Variants in ZFHX4 observed in about 807,000 individuals in gnomAD.
ZFHX4 encodes zinc finger homeobox 4, also known as zinc finger homeobox protein 4.
A neutral mutation model predicts 267.6 loss-of-function variants in ZFHX4; 56 were observed. That is an observed-to-expected ratio of 0.21 (90% CI 0.17 to 0.26). The LOEUF (loss-of-function observed/expected upper bound fraction) is 0.26. Ranked by LOEUF, ZFHX4 falls within the 10% of genes least tolerant of loss-of-function variation. ZFHX4 has a pLI of 1.00. For missense variants in ZFHX4, 4,332 were observed against 4,420.0 expected (o/e 0.98, Z 0.56); for synonymous variants, 1,778 against 1,665.6 (o/e 1.07, Z -1.64).
intron 3 of ZFHX4, among the ~76,000 whole-genome samples, chr8:76,764,013 T>C (rs1809986739): frequency 6.6e-6 from 1 of 152,202 alleles, no homozygotes; most frequent in Non-Finnish European, 1.5e-5. Context: ...TCACATGGTT[T>C]GGTCTCAACA....
At chr8:76,697,679 T>G (rs1021354848) in intron 1 of ZFHX4, among the ~76,000 whole-genome samples, 7 of 152,022 alleles carry the variant, frequency 4.6e-5, no homozygotes, top group Non-Finnish European at 1.0e-4. Context: ...GAAAGAAAAA[T>G]AATTCTGTCC....
chr8:76,813,582 C>T (rs1811430805), intron 4 of ZFHX4, among the ~76,000 whole-genome samples: 1 of 152,108 alleles, frequency 6.6e-6, no homozygotes, highest in African/African-American at 2.4e-5. Flanking sequence ...ATACATATTA[C>T]ATTTTATGAA....
chr8:76,709,792 CGTGTGTGTGCGTGTGT>C (rs1207266287), intron 3 of ZFHX4, among the ~76,000 whole-genome samples: 1,444 of 139,638 alleles, frequency 0.01, 28 homozygotes, highest in African/African-American at 0.037. Flanking sequence ...CGTGTGTGTG[CGTGTGTGTGCGTGTGT>C]GTGTGTGTGT....
intron 1 of ZFHX4, among the ~76,000 whole-genome samples, chr8:76,697,818 T>C (rs1455999717): frequency 2.6e-5 from 4 of 151,942 alleles, no homozygotes; most frequent in Non-Finnish European, 5.9e-5. Context: ...GGAAGAAAAA[T>C]TAAAAGGATC....
At chr8:76,703,034 A>C (rs1448145958) in intron 1 of ZFHX4, among the ~76,000 whole-genome samples, 1 of 152,092 alleles carries the variant, frequency 6.6e-6, no homozygotes, top group African/African-American at 2.4e-5. Context: ...CCCAACTTTC[A>C]CTAGTACTTT....
At chr8:76,743,163 T>C (rs2131687602) in intron 3 of ZFHX4, among the ~76,000 whole-genome samples, 1 of 152,312 alleles carries the variant, frequency 6.6e-6, no homozygotes, top group South Asian at 2.1e-4. Flanking sequence ...GTAGAGAGTT[T>C]GCCACTAACA....
chr8:76,833,866 A>C (rs561238799), intron 5 of ZFHX4, among the ~76,000 whole-genome samples: 2 of 152,264 alleles, frequency 1.3e-5, no homozygotes, highest in East Asian at 1.9e-4. Flanking sequence ...TTCTCTATAA[A>C]TCTTCTGTGC....
chr8:76,800,215 G>T (rs1171172742), intron 4 of ZFHX4, among the ~76,000 whole-genome samples: 4 of 152,038 alleles, frequency 2.6e-5, no homozygotes, highest in African/African-American at 9.7e-5. Flanking sequence ...GCCACAGAGG[G>T]ACTGAGCGTG....
intron 3 of ZFHX4, among the ~76,000 whole-genome samples, chr8:76,718,664 CTGTT>C (rs1393347928): frequency 7.2e-5 from 11 of 151,878 alleles, no homozygotes; most frequent in African/African-American, 2.4e-4. Context: ...TTTTGAAGAG[CTGTT>C]TAATTTTTAG....
intron 1 of ZFHX4, among the ~76,000 whole-genome samples, chr8:76,686,682 T>A (rs896197786): frequency 2.0e-5 from 3 of 152,224 alleles, no homozygotes; most frequent in African/African-American, 7.2e-5. Flanking sequence ...TTCGACAATG[T>A]CAATGAGAAC....
At chr8:76,708,616 T>C (rs1585869139) in intron 3 of ZFHX4, among the ~76,000 whole-genome samples, 1 of 152,328 alleles carries the variant, frequency 6.6e-6, no homozygotes, top group South Asian at 2.1e-4. Context: ...TGTCTTCCTA[T>C]CAATATTTTC....
At chr8:76,772,344 A>G (rs928566505) in intron 3 of ZFHX4, among the ~76,000 whole-genome samples, 1 of 152,186 alleles carries the variant, frequency 6.6e-6, no homozygotes, top group Non-Finnish European at 1.5e-5. Context: ...GATCTCAGAA[A>G]GGAAACCTGG....
chr8:76,773,662 A>G (rs971056714), intron 3 of ZFHX4, among the ~76,000 whole-genome samples: 22 of 152,076 alleles, frequency 1.4e-4, no homozygotes, highest in African/African-American at 3.4e-4. Flanking sequence ...TCACTTTAAT[A>G]TTTGCTTTTT....
intron 4 of ZFHX4, among the ~76,000 whole-genome samples, chr8:76,790,739 TTG>T (rs35847341): frequency 2.0e-5 from 3 of 151,452 alleles, no homozygotes; most frequent in Non-Finnish European, 4.4e-5. Flanking sequence ...TATTTGGTAT[TTG>T]TGTGTGTGTG....
chr8:76,838,592 C>T (rs1052263724), intron 5 of ZFHX4, among the ~76,000 whole-genome samples: 4 of 152,020 alleles, frequency 2.6e-5, no homozygotes, highest in East Asian at 1.9e-4. Flanking sequence ...AGAATGCTCA[C>T]GAGCCAGGTG....
rs533886890 is a variant in ZFHX4 at position 76,856,163 on chromosome 8, C to A, written c.9242C>A (p.Pro3081Gln). ...GTGCTGGGCTTGACGGTACAGCAGC[C>A]AGGCATGATGGACAGCAGTTCTCTC... ...SDVLGLTVQQ[P>Q]GMMDSSSLHG... The change falls in exon 10 of 11, where the codon CCA (proline) becomes CAA (glutamine). Residue 3081 changes from proline to glutamine, a missense_variant. Physicochemically the swap from Pro to Gln is moderately conservative, Grantham distance 76. Around this residue, in one of 7 missense-constraint regions of ZFHX4, gnomAD observed 1,648 missense variants for 1,625.0 expected, o/e 1.01. Coordinates refer to ENST00000651372, the MANE Select transcript of ZFHX4 (RefSeq NM_024721.5). 1.2e-6 allele frequency: 2 copies of A among 1,613,976 alleles called. No individual in the cohort carries two copies. Among genetic ancestry groups the A allele is most frequent in the Admixed American group, 3.3e-5 (2 of 60,024 alleles).
chr8:76,725,633 G>GAT (rs1808831599), intron 3 of ZFHX4, among the ~76,000 whole-genome samples: 1 of 152,112 alleles, frequency 6.6e-6, no homozygotes, highest in African/African-American at 2.4e-5. Flanking sequence ...GTTACCAGTT[G>GAT]ATATATATAG....
At chr8:76,812,605 T>C (rs2131847367) in intron 4 of ZFHX4, among the ~76,000 whole-genome samples, 1 of 152,342 alleles carries the variant, frequency 6.6e-6, no homozygotes, top group East Asian at 1.9e-4. Flanking sequence ...TTGATATTTT[T>C]ACTTTTTATC....
chr8:76,853,208 C>T lies in ZFHX4; in HGVS notation c.6287C>T (p.Ala2096Val). 6.4e-7 allele frequency: 1 copy of T among 1,562,038 alleles called. No homozygotes were observed. Among genetic ancestry groups the T allele is most frequent in the Non-Finnish European group, 8.7e-7 (1 of 1,152,908 alleles). The change falls in exon 10 of 11, where the codon GCC becomes GTC. Residue 2096 changes from alanine (A) to valine (V), a missense_variant. Transcript: ENST00000651372. ...VQHPALPPQL[A>V]LQLPQMDALS... ...CACCCTGCGCTTCCTCCCCAGCTTGCCCTGCAGCTGCCACAGATGGACGCA... is the reference window on the plus strand; with the variant it reads ...CACCCTGCGCTTCCTCCCCAGCTTGTCCTGCAGCTGCCACAGATGGACGCA...
Sources: gnomAD v4.1 joint callset for allele counts (sites outside exome capture counted in the v4.1 genomes callset) on GRCh38, gnomAD v4.1.1 for gene constraint, gnomAD v4.1.1 regional missense constraint, MANE v1.5 for transcripts, NCBI Gene and HGNC (gene_info 2026-07-23, HGNC 2026-07-21) for gene names.